Variants in CPS1 observed in about 807,000 individuals in gnomAD.
CPS1 encodes carbamoyl-phosphate synthase 1.
CPS1 carries 109 observed loss-of-function variants against 174.6 expected under a neutral mutation model. The observed-to-expected ratio is 0.62, with a 90% CI of 0.53 to 0.73. CPS1 has a LOEUF of 0.73. CPS1 is among the 30% of genes least tolerant of loss of function. The probability of loss-of-function intolerance (pLI) is 0.00; values close to 1 mark genes in which losing one functional copy is unlikely to be tolerated. For missense variants in CPS1, 1,689 were observed against 1,821.9 expected, an observed-to-expected ratio of 0.93 and a Z score of 1.33; for synonymous variants, 637 against 632.0, an observed-to-expected ratio of 1.01 and a Z score of -0.12.
At position 210,585,105 on chromosome 2, in the gene CPS1, G is replaced by A. The variant is rs537307242; in HGVS notation, c.621+2396G>A. 5.3e-5 allele frequency among the ~76,000 whole-genome samples: 8 copies of A among 152,104 alleles called. No homozygotes were observed. The East Asian group carries it at 1.6e-3, about 29-fold the overall frequency. ...TCAAATTGCATTTAACTCTTTGAAA[G>A]GATTGTCTCTTTCACTTGTCTTGGT... On this transcript the variant is annotated intron_variant, in intron 6 of 37. Coordinates refer to ENST00000233072, the MANE Select transcript of CPS1 (RefSeq NM_001875.5).
rs1698419475 is a variant in CPS1 at position 210,594,556 on chromosome 2, A to G, written c.1213A>G (p.Thr405Ala). The change falls in exon 12 of 38, where the codon ACC becomes GCC. Residue 405 changes from threonine (T) to alanine (A), a missense_variant. Thr to Ala is a moderately conservative substitution (Grantham distance 58). Coordinates refer to ENST00000233072, the MANE Select transcript of CPS1 (RefSeq NM_001875.5). ...FSLIKKGKAT[T>A]ITSVLPKPAL... ...ACTGATAAAGAAAGGAAAAGCTACC[A>G]CCATTACATCAGTCTTACCGAAGCC... 2 of 1,611,240 alleles carry G rather than the reference A, an allele frequency of 1.2e-6. No homozygotes were observed. Among genetic ancestry groups the G allele is most frequent in the South Asian group, 1.1e-5 (1 of 91,028 alleles).
intron 1 of CPS1, among the ~76,000 whole-genome samples, chr2:210,512,129 T>A (rs1202237867): frequency 2.6e-5 from 4 of 152,122 alleles, no homozygotes; most frequent in South Asian, 2.1e-4. Flanking sequence ...CCAGCTGCAT[T>A]GTTTCTAAAG....
intron 1 of CPS1, among the ~76,000 whole-genome samples, chr2:210,512,715 C>A (rs1695530844): frequency 8.7e-6 from 1 of 115,332 alleles, no homozygotes. Flanking sequence ...CTTTTGGATA[C>A]ATACATATCC....
At chr2:210,667,161 T>G (rs1453873548) in intron 33 of CPS1, among the ~76,000 whole-genome samples, 8 of 152,206 alleles carry the variant, frequency 5.3e-5, no homozygotes, top group Admixed American at 5.2e-4. Flanking sequence ...TGCTTGTGAT[T>G]TTTGTACATT....
At chr2:210,628,612 C>A (rs1699764503) in intron 21 of CPS1, among the ~76,000 whole-genome samples, 2 of 151,986 alleles carry the variant, frequency 1.3e-5, no homozygotes, top group African/African-American at 4.8e-5. Context: ...CCAGCCTGGC[C>A]AACATAGTGA....
intron 1 of CPS1, among the ~76,000 whole-genome samples, chr2:210,501,611 A>G (rs1023288842): frequency 2.0e-5 from 3 of 152,186 alleles, no homozygotes; most frequent in African/African-American, 7.2e-5. Context: ...TTGCTAAAGC[A>G]TAGCAATACT....
chr2:210,599,588 A>C (rs1337860682), intron 14 of CPS1, 27 bp downstream of exon 14: 1 of 1,605,068 alleles, frequency 6.2e-7, no homozygotes, highest in East Asian at 2.2e-5. Context: ...TTAATTGCAG[A>C]GTTTTGACAT....
At chr2:210,623,743 G>T (rs1699612199) in intron 21 of CPS1, among the ~76,000 whole-genome samples, 1 of 152,098 alleles carries the variant, frequency 6.6e-6, no homozygotes, top group Admixed American at 6.6e-5. Context: ...TAATGCAGGT[G>T]TCACGTTAGC....
chr2:210,479,157 T>C (rs1373334832), intron 1 of CPS1, among the ~76,000 whole-genome samples: 1 of 152,144 alleles, frequency 6.6e-6, no homozygotes, highest in Non-Finnish European at 1.5e-5. Context: ...AGTCTGGGAT[T>C]AAGATGTTAG....
At chr2:210,485,846 G>A (rs1008056890) in intron 1 of CPS1, among the ~76,000 whole-genome samples, 2 of 151,872 alleles carry the variant, frequency 1.3e-5, no homozygotes, top group African/African-American at 4.8e-5. Context: ...CTAATAAATT[G>A]TTTCCCAAAA....
At chr2:210,573,463 G>A in intron 2 of CPS1, 56 bp downstream of exon 2, 2 of 1,280,738 alleles carry the variant, frequency 1.6e-6, no homozygotes, top group Admixed American at 1.7e-5. Flanking sequence ...ATAACTGGAA[G>A]ATCTCACTCA....
chr2:210,611,540 A>G (rs1699120572), intron 19 of CPS1, among the ~76,000 whole-genome samples: 1 of 149,234 alleles, frequency 6.7e-6, no homozygotes, highest in Non-Finnish European at 1.5e-5. Flanking sequence ...GTGGAAAGAC[A>G]CATTGAATTT....
intron 21 of CPS1, among the ~76,000 whole-genome samples, chr2:210,630,982 C>G (rs1330772084): frequency 1.3e-5 from 2 of 150,356 alleles, no homozygotes; most frequent in Non-Finnish European, 2.9e-5. Context: ...GATGTCATTA[C>G]TGAACGTCAG....
chr2:210,579,728 T>C lies in CPS1; in HGVS notation c.486T>C (p.Tyr162=), dbSNP rs138779023. The change falls in exon 5 of 38, where the codon TAT becomes TAC. Residue 162 remains tyrosine, a synonymous_variant. Transcript: ENST00000233072. ...TTTTCTTATAGGTTCCTGCAATTTA[T>C]GGAGTGGACACAAGAATGCTGACTA... The part of the protein sequence containing the change: ...WLQEEKVPAI[Y]GVDTRMLTKI... The C allele has an allele frequency of 4.3e-3, 6,867 of 1,613,202 alleles. 27 individuals carry two copies. The highest frequency in any genetic ancestry group is 5.4e-3 in the Non-Finnish European group (6,333 of 1,179,524).
Position 210,658,623 on chromosome 2 carries a change from G to A in CPS1, c.3691G>A (p.Ala1231Thr). ...GGTGAAGGATGCTACCCGGAAGATT[G>A]CAAAGGCTTTTGCCATCTCTGGTCC... ...EKVKDATRKI[A>T]KAFAISGPFN... is the part of the protein sequence containing the mutation. Residue 1231 changes from alanine (A) to threonine (T), a missense_variant, in exon 31 of 38, where the codon GCA (alanine) becomes ACA (threonine). By Grantham distance (58) the Ala-to-Thr change is moderately conservative (BLOSUM62 0). Transcript: ENST00000233072. The A allele has an allele frequency of 6.2e-7, 1 of 1,614,002 alleles. No individual in the cohort carries two copies. The highest frequency in any genetic ancestry group is 1.6e-4 in the Middle Eastern group (1 of 6,062).
rs749636073 is a variant in CPS1 at position 210,576,493 on chromosome 2, A to G, written c.381+3A>G. 2 of 1,613,342 alleles carry G rather than the reference A, an allele frequency of 1.2e-6. No homozygotes were observed. Among genetic ancestry groups the G allele is most frequent in the African/African-American group, 2.7e-5 (2 of 74,886 alleles). ...ATTTGGAGTCTAATGGAATCAAGGT[A>G]GTACCAGTGGTGGCCATTTAAAAAG... On this transcript the variant is annotated splice_donor_region_variant and intron_variant, in intron 3 of 37. Coordinates refer to ENST00000233072, the MANE Select transcript of CPS1 (RefSeq NM_001875.5).
chr2:210,541,113 T>C (rs571150717), intron 1 of CPS1, among the ~76,000 whole-genome samples: 5 of 152,220 alleles, frequency 3.3e-5, no homozygotes, highest in African/African-American at 1.2e-4. Context: ...GCCCCAAGAC[T>C]CAGATCATCG....
rs1439343002 is a variant in CPS1 at position 210,616,431 on chromosome 2, T to C, written c.2577T>C (p.Asp859=). Residue 859 remains aspartate, a synonymous_variant, in exon 21 of 38, where the codon GAT becomes GAC. Transcript: ENST00000233072. ...TRIYAIAKAI[D]DNMSLDEIEK... is the part of the protein sequence containing the mutation. ...TCTTCTCCTCTTGGCAGGCCATTGA[T>C]GACAACATGTCCCTTGATGAGATTG... The C allele has an allele frequency of 1.9e-6, 3 of 1,609,614 alleles. No individual in the cohort carries two copies. The highest frequency in any genetic ancestry group is 2.6e-6 in the Non-Finnish European group (3 of 1,176,348).
intron 1 of CPS1, among the ~76,000 whole-genome samples, chr2:210,526,914 G>T (rs190261186): frequency 6.6e-6 from 1 of 151,960 alleles, no homozygotes; most frequent in South Asian, 2.1e-4. Context: ...ATTTATCTAT[G>T]ACATTTCTAT....
Sources: gnomAD v4.1 joint callset for allele counts (sites outside exome capture counted in the v4.1 genomes callset) on GRCh38, gnomAD v4.1.1 for gene constraint, MANE v1.5 for transcripts, NCBI Gene and HGNC (gene_info 2026-07-23, HGNC 2026-07-21) for gene names.